The following KAZN variants were observed in gnomAD, a reference collection of about 807,000 sequenced individuals.
The protein encoded by KAZN is kazrin, periplakin interacting protein.
In KAZN, 40 loss-of-function variants were observed where a neutral mutation model predicts 87.4. That is an observed-to-expected ratio of 0.46 (90% CI 0.36 to 0.60). The LOEUF (loss-of-function observed/expected upper bound fraction) is 0.60, where lower values mean the gene tolerates loss of function less well. KAZN is among the 20% of genes least tolerant of loss of function. The pLI is 0.00. For synonymous variants in KAZN, 466 were observed against 458.3 expected, an observed-to-expected ratio of 1.02 and a Z score of -0.22; for missense variants, 898 against 1,073.9, an observed-to-expected ratio of 0.84 and a Z score of 2.29.
intron 2 of KAZN, among the ~76,000 whole-genome samples, chr1:14,327,363 C>A (rs1346050979): frequency 6.6e-6 from 1 of 152,058 alleles, no homozygotes; most frequent in African/African-American, 2.4e-5. Flanking sequence ...GCTTATTAGT[C>A]CCCCCACACG....
chr1:14,764,388 C>CG (rs1388562154), intron 1 of KAZN, among the ~76,000 whole-genome samples: 1 of 143,566 alleles, frequency 7.0e-6, no homozygotes, highest in Non-Finnish European at 1.5e-5. Flanking sequence ...TCCCCCACAC[C>CG]CCCCCCACAA....
chr1:14,066,504 G>A (rs1307470345), intron 1 of KAZN, among the ~76,000 whole-genome samples: 2 of 152,168 alleles, frequency 1.3e-5, no homozygotes, highest in Non-Finnish European at 2.9e-5. Flanking sequence ...ATGATGACGG[G>A]ACATGACTTC....
intron 2 of KAZN, among the ~76,000 whole-genome samples, chr1:14,478,725 G>T (rs1317762683): frequency 6.6e-6 from 1 of 152,110 alleles, no homozygotes; most frequent in Non-Finnish European, 1.5e-5. Context: ...CCTTCGTAAT[G>T]TCTCACACAG....
At chr1:14,266,709 C>A (rs938594290) in intron 2 of KAZN, among the ~76,000 whole-genome samples, 1 of 152,098 alleles carries the variant, frequency 6.6e-6, no homozygotes, top group African/African-American at 2.4e-5. Context: ...AAGGGACACT[C>A]GCACCCCCCC....
At chr1:14,022,349 C>G (rs1389331840) in intron 1 of KAZN, among the ~76,000 whole-genome samples, 1 of 151,126 alleles carries the variant, frequency 6.6e-6, no homozygotes, top group Non-Finnish European at 1.5e-5. Flanking sequence ...AAATGTTAGC[C>G]TGAAGGCTTC....
intron 2 of KAZN, among the ~76,000 whole-genome samples, chr1:14,441,512 C>A (rs1219597058): frequency 6.6e-6 from 1 of 152,128 alleles, no homozygotes; most frequent in Non-Finnish European, 1.5e-5. Flanking sequence ...TTCTGAGGCC[C>A]CTCAAGTCTT....
intron 2 of KAZN, among the ~76,000 whole-genome samples, chr1:14,579,787 G>C (rs1375651218): frequency 2.6e-5 from 4 of 152,142 alleles, no homozygotes; most frequent in Non-Finnish European, 5.9e-5. Flanking sequence ...AGCATCCAGG[G>C]GGACTCACAT....
At chr1:13,979,279 A>G (rs1169119667) in intron 1 of KAZN, among the ~76,000 whole-genome samples, 1 of 152,198 alleles carries the variant, frequency 6.6e-6, no homozygotes, top group Non-Finnish European at 1.5e-5. Context: ...GGAAACCTCA[A>G]GACATCAAAA....
At chr1:14,713,614 C>G (rs907129588) in intron 1 of KAZN, among the ~76,000 whole-genome samples, 4 of 151,888 alleles carry the variant, frequency 2.6e-5, no homozygotes, top group African/African-American at 9.7e-5. Flanking sequence ...ACGGCCCTCA[C>G]AGCAAAGACT....
chr1:14,498,240 A>G (rs925707896), intron 2 of KAZN, among the ~76,000 whole-genome samples: 2 of 152,042 alleles, frequency 1.3e-5, no homozygotes, highest in South Asian at 2.1e-4. Flanking sequence ...AGCTCAAAGG[A>G]CTCGTTCCTC....
chr1:14,842,104 C>T (rs770761523), intron 1 of KAZN, among the ~76,000 whole-genome samples: 2 of 152,222 alleles, frequency 1.3e-5, no homozygotes, highest in Non-Finnish European at 2.9e-5. Context: ...CTTATGCTAT[C>T]TTTTGCTGAT....
intron 1 of KAZN, among the ~76,000 whole-genome samples, chr1:14,806,387 A>G (rs1646223493): frequency 6.6e-6 from 1 of 152,084 alleles, no homozygotes; most frequent in Non-Finnish European, 1.5e-5. Flanking sequence ...TATATTTCTT[A>G]TTTTATCATT....
At chr1:14,726,787 C>T (rs1267786761) in intron 1 of KAZN, among the ~76,000 whole-genome samples, 4 of 152,218 alleles carry the variant, frequency 2.6e-5, no homozygotes, top group Admixed American at 6.5e-5. Flanking sequence ...TCTCAGGCCC[C>T]GCCCCAGACC....
chr1:15,110,503 G>A (rs1399202261), intron 13 of KAZN, among the ~76,000 whole-genome samples: 1,866 of 22,802 alleles, frequency 0.082, 34 homozygotes, highest in African/African-American at 0.17. Context: ...GTATGTGTGT[G>A]TATTTGTGTG....
intron 1 of KAZN, among the ~76,000 whole-genome samples, chr1:14,777,492 T>G (rs1645214792): frequency 6.6e-6 from 1 of 152,100 alleles, no homozygotes; most frequent in South Asian, 2.1e-4. Context: ...CAATCCCAAT[T>G]CTATGCCCCA....
chr1:14,462,580 C>T (rs1473355532), intron 2 of KAZN, among the ~76,000 whole-genome samples: 3 of 152,048 alleles, frequency 2.0e-5, no homozygotes, highest in African/African-American at 7.2e-5. Context: ...TCTCATGCTG[C>T]TAATAAAGAC....
chr1:14,599,100 C>A lies in KAZN; in HGVS notation c.103C>A (p.Arg35=). The change falls in exon 1 of 15, where the codon CGG becomes AGG. Residue 35 remains arginine (R), a synonymous_variant. Transcript: ENST00000376030. This position sits in a 1 kb window ranked among gnomAD's most constrained non-coding sequence, Gnocchi z 4.4. ...NLRAELTATN[R]RLAELSGGGG... ...GCGAGCCGAACTCACGGCCACCAAC[C>A]GGAGACTGGCGGAACTGAGCGGCGG... 1 of 1,558,204 alleles carries A rather than the reference C, an allele frequency of 6.4e-7. No homozygotes were observed. The highest frequency in any genetic ancestry group is 8.6e-7 in the Non-Finnish European group (1 of 1,156,932).
intron 1 of KAZN, among the ~76,000 whole-genome samples, chr1:14,851,546 G>A (rs555817509): frequency 5.3e-5 from 8 of 152,334 alleles, no homozygotes; most frequent in Admixed American, 2.6e-4. Context: ...TCAGAGGCTC[G>A]TTTGGGGTGT....
intron 1 of KAZN, among the ~76,000 whole-genome samples, chr1:14,931,449 T>TA (rs140516931): frequency 0.1 from 15,545 of 150,748 alleles, 967 homozygotes; most frequent in East Asian, 0.27. Context: ...ACTCTGTCTT[T>TA]AAAAAAAAAG....
Sources: allele counts gnomAD v4.1 joint callset (sites outside exome capture counted in the v4.1 genomes callset), GRCh38; gene constraint gnomAD v4.1.1; non-coding constraint Gnocchi (gnomAD v3.1); transcripts MANE v1.5; gene names NCBI Gene and HGNC (gene_info 2026-07-23, HGNC 2026-07-21).